Variants in FRMPD2 observed in about 807,000 individuals in gnomAD.
FRMPD2 encodes the protein FERM and PDZ domain containing 2, also known as FERM and PDZ domain-containing protein 2.
FRMPD2 carries 96 observed loss-of-function variants against 140.1 expected under a neutral mutation model. The observed-to-expected ratio is 0.69, with a 90% CI of 0.58 to 0.81. FRMPD2 has a LOEUF of 0.81. FRMPD2 is among the 40% of genes least tolerant of loss of function. The pLI, the probability that FRMPD2 is intolerant of heterozygous loss-of-function variation, is 0.00. For missense variants in FRMPD2, 1,240 were observed against 1,447.4 expected (o/e 0.86, Z 2.32); for synonymous variants, 449 against 547.6 (o/e 0.82, Z 2.52).
At chr10:48,175,708 A>G in intron 23 of FRMPD2, 138 bp downstream of exon 23, 1 of 678,140 alleles carries the variant, frequency 1.5e-6, no homozygotes, top group Non-Finnish European at 2.7e-6. Context: ...TGAGAAAAGT[A>G]TGACCTGGGG....
intron 10 of FRMPD2, among the ~76,000 whole-genome samples, chr10:48,231,741 AT>A (rs1439718064): frequency 1.3e-5 from 2 of 152,140 alleles, no homozygotes; most frequent in African/African-American, 2.4e-5. Context: ...TTTTTCTTGG[AT>A]ATTTAGAATG....
intron 28 of FRMPD2, chr10:48,159,149 C>G (rs782727935): frequency 4.4e-5 from 20 of 456,182 alleles, no homozygotes; most frequent in Admixed American, 3.1e-4. Flanking sequence ...ATATTGAGGT[C>G]TCCATTAGCC....
chr10:48,251,138 C>T (rs1269178288), intron 2 of FRMPD2, among the ~76,000 whole-genome samples: 3 of 152,152 alleles, frequency 2.0e-5, no homozygotes, highest in Non-Finnish European at 4.4e-5. Flanking sequence ...ACTAGTGCAA[C>T]ATCTGGTGGA....
intron 28 of FRMPD2, among the ~76,000 whole-genome samples, chr10:48,160,310 G>A (rs1274084406): frequency 6.6e-6 from 1 of 151,728 alleles, no homozygotes; most frequent in Non-Finnish European, 1.5e-5. Flanking sequence ...ATCGAATCTT[G>A]TCCATGAACA....
chr10:48,211,006 C>A (rs1839306881), intron 13 of FRMPD2, among the ~76,000 whole-genome samples: 1 of 152,262 alleles, frequency 6.6e-6, no homozygotes, highest in Admixed American at 6.5e-5. Context: ...TCTGCACAGG[C>A]AGAGTAGCCA....
chr10:48,189,276 C>G (rs1027444034), intron 16 of FRMPD2, among the ~76,000 whole-genome samples: 2 of 152,128 alleles, frequency 1.3e-5, no homozygotes, highest in African/African-American at 4.8e-5. Flanking sequence ...AGGGTACTGC[C>G]CTAACTGGAG....
chr10:48,230,685 A>C (rs981079080), intron 10 of FRMPD2, among the ~76,000 whole-genome samples: 1 of 152,246 alleles, frequency 6.6e-6, no homozygotes, highest in Non-Finnish European at 1.5e-5. Context: ...TACACCTGTT[A>C]TCTGACTGTA....
At chr10:48,209,758 T>G (rs748367930) in intron 13 of FRMPD2, among the ~76,000 whole-genome samples, 4 of 152,240 alleles carry the variant, frequency 2.6e-5, no homozygotes, top group Non-Finnish European at 5.9e-5. Context: ...ATTCCACTTA[T>G]GAGATTCTAT....
intron 10 of FRMPD2, among the ~76,000 whole-genome samples, chr10:48,229,806 T>G (rs1253280618): frequency 2.0e-5 from 3 of 152,184 alleles, no homozygotes; most frequent in African/African-American, 7.2e-5. Context: ...TGGAATGTTA[T>G]GGTGTTGGTA....
intron 1 of FRMPD2, among the ~76,000 whole-genome samples, chr10:48,255,719 T>C (rs144013314): frequency 6.6e-6 from 1 of 152,076 alleles, no homozygotes; most frequent in South Asian, 2.1e-4. Context: ...TTAGCTGAAG[T>C]GGTCAAGGAA....
Position 48,206,809 on chromosome 10 carries a change from TTTTTCACTTCA to T in FRMPD2, c.1725_1735del (p.Tyr575Ter), listed in dbSNP as rs777111043. On this transcript the variant is annotated stop_gained and frameshift_variant, in exon 14 of 29. Transcript: ENST00000374201. LOFTEE classifies it high-confidence loss of function. ...CCGTAACATTGCAATTCTGCTGTTG[TTTTTCACTTCA>T]TAGACTATGACACCCTTGGCACAGA... 6.2e-7 allele frequency: 1 copy of T among 1,614,090 alleles called. No individual in the cohort carries two copies. The highest frequency in any genetic ancestry group is 1.3e-5 in the African/African-American group (1 of 75,028).
intron 1 of FRMPD2, among the ~76,000 whole-genome samples, chr10:48,260,649 A>G (rs1009115983): frequency 2.0e-5 from 3 of 152,186 alleles, no homozygotes; most frequent in Admixed American, 2.0e-4. Flanking sequence ...ACACAGCACT[A>G]CTACTAGCCA....
intron 7 of FRMPD2, 28 bp from the exon 8 acceptor site, chr10:48,238,151 C>G (rs763832602): frequency 6.3e-7 from 1 of 1,599,790 alleles, no homozygotes; most frequent in African/African-American, 1.3e-5. Flanking sequence ...AGGGGTGAAG[C>G]ACTTAGCAAT....
chr10:48,222,172 GGATA>G (rs1175000852), intron 12 of FRMPD2, 137 bp downstream of exon 12: 3 of 670,316 alleles, frequency 4.5e-6, no homozygotes, highest in Non-Finnish European at 7.3e-6. Flanking sequence ...ATGGATGGAT[GGATA>G]AATGTAGTTT....
chr10:48,258,509 G>A (rs1840526150), intron 1 of FRMPD2, among the ~76,000 whole-genome samples: 1 of 152,188 alleles, frequency 6.6e-6, no homozygotes, highest in African/African-American at 2.4e-5. Flanking sequence ...CTACAAAACG[G>A]AGATGCTGAC....
At chr10:48,177,604 C>T (rs1305709754) in intron 22 of FRMPD2, 3 of 165,616 alleles carry the variant, frequency 1.8e-5, no homozygotes, top group Non-Finnish European at 4.0e-5. Flanking sequence ...CTGATGGAGG[C>T]CTGGCCCTGG....
Position 48,240,405 on chromosome 10 carries a change from C to G in FRMPD2, c.655G>C (p.Glu219Gln). ...TCCGGGGCCTGTGCCGCTGGGCTCT[C>G]GCTGCTTGTCCCACGCAGCCTCTTC... ...LRKRLRGTSSESPAAQAPECL... is the reference protein window; with the variant it reads ...LRKRLRGTSSQSPAAQAPECL... Residue 219 changes from glutamate to glutamine, a missense_variant, in exon 6 of 29, where the codon GAG (glutamate) becomes CAG (glutamine). Coordinates refer to ENST00000374201, the MANE Select transcript of FRMPD2 (RefSeq NM_001018071.4). 6.2e-7 allele frequency: 1 copy of G among 1,613,400 alleles called. No individual in the cohort carries two copies. Among genetic ancestry groups the G allele is most frequent in the Non-Finnish European group, 8.5e-7 (1 of 1,180,044 alleles).
At chr10:48,223,047 C>T (rs915900085) in intron 11 of FRMPD2, 76 bp downstream of exon 11, 3 of 1,360,214 alleles carry the variant, frequency 2.2e-6, no homozygotes, top group East Asian at 2.3e-5. Flanking sequence ...AAGCACTTGT[C>T]GATCCATTAC....
At position 48,212,053 on chromosome 10, in the gene FRMPD2, G is replaced by A. The variant is rs116034209; in HGVS notation, c.1512C>T (p.Ile504=). 2,213 of 1,614,024 alleles carry A rather than the reference G, an allele frequency of 1.4e-3. 18 individuals carry two copies. Among genetic ancestry groups the A allele is most frequent in the South Asian group, 7.6e-3 (691 of 91,068 alleles). The part of the protein sequence containing the change: ...HVEDYIPASL[I]ERMTALRVQV... ...GGACCCGTAGAGCGGTCATCCTCTC[G>A]ATCAGACTCGCTGGGATGTAATCTT... The change falls in exon 13 of 29, where the codon ATC becomes ATT. Residue 504 remains isoleucine (I), a synonymous_variant. Transcript: ENST00000374201.
Sources: gnomAD v4.1 joint callset for allele counts (sites outside exome capture counted in the v4.1 genomes callset) on GRCh38, gnomAD v4.1.1 for gene constraint, MANE v1.5 for transcripts, NCBI Gene and HGNC (gene_info 2026-07-23, HGNC 2026-07-21) for gene names.